The following CDKAL1 variants were observed in gnomAD, a reference collection of about 807,000 sequenced individuals.
CDKAL1 encodes the protein threonylcarbamoyladenosine tRNA methylthiotransferase.
In CDKAL1, 32 loss-of-function variants were observed where a neutral mutation model predicts 68.2. That is an observed-to-expected ratio of 0.47 (90% CI 0.35 to 0.63). CDKAL1 has a LOEUF of 0.63. CDKAL1 is among the 30% of genes least tolerant of loss of function. The pLI, the probability that CDKAL1 is intolerant of heterozygous loss-of-function variation, is 0.00. For missense variants in CDKAL1, 606 were observed against 696.7 expected (o/e 0.87, Z 1.47); for synonymous variants, 234 against 244.3 (o/e 0.96, Z 0.39).
At chr6:20,780,323 TA>T (rs1581566074) in intron 7 of CDKAL1, among the ~76,000 whole-genome samples, 1 of 152,188 alleles carries the variant, frequency 6.6e-6, no homozygotes, top group African/African-American at 2.4e-5. Flanking sequence ...TGATAGTGTG[TA>T]AAAATAAGTT....
At chr6:20,921,100 C>T (rs1762934334) in intron 9 of CDKAL1, among the ~76,000 whole-genome samples, 2 of 152,164 alleles carry the variant, frequency 1.3e-5, no homozygotes, top group Non-Finnish European at 2.9e-5. Context: ...GCCGTACACA[C>T]CCCAGCCAGC....
chr6:21,003,626 G>A (rs190804530), intron 11 of CDKAL1, among the ~76,000 whole-genome samples: 321 of 151,916 alleles, frequency 2.1e-3, no homozygotes, highest in African/African-American at 7.6e-3. Flanking sequence ...TCTTATGTTT[G>A]ACCTACCTTC....
intron 4 of CDKAL1, among the ~76,000 whole-genome samples, chr6:20,634,008 G>T (rs1032469380): frequency 1.3e-5 from 2 of 152,210 alleles, no homozygotes; most frequent in African/African-American, 4.8e-5. Context: ...TTAATCTAAA[G>T]ATCTCTTTTA....
At chr6:21,102,295 T>G (rs562667536) in intron 12 of CDKAL1, among the ~76,000 whole-genome samples, 357 of 152,312 alleles carry the variant, frequency 2.3e-3, no homozygotes, top group African/African-American at 8.1e-3. Context: ...CCAAATGCTG[T>G]CACATTGCTG....
intron 9 of CDKAL1, among the ~76,000 whole-genome samples, chr6:20,852,805 C>T (rs752191996): frequency 2.0e-5 from 3 of 152,158 alleles, no homozygotes; most frequent in Non-Finnish European, 4.4e-5. Flanking sequence ...GGCAGACCAC[C>T]GTGGTTGAAG....
intron 9 of CDKAL1, among the ~76,000 whole-genome samples, chr6:20,928,672 G>A (rs1215825752): frequency 6.8e-6 from 1 of 147,294 alleles, no homozygotes; most frequent in African/African-American, 2.5e-5. Context: ...TTGTCCATGA[G>A]GTTTACAATA....
chr6:20,906,106 A>C (rs1440578562), intron 9 of CDKAL1, among the ~76,000 whole-genome samples: 2 of 152,194 alleles, frequency 1.3e-5, no homozygotes, highest in African/African-American at 2.4e-5. Context: ...TTTCTACATG[A>C]TTTTAGAGAG....
intron 12 of CDKAL1, among the ~76,000 whole-genome samples, chr6:21,076,363 T>TCA (rs1268900498): frequency 6.6e-6 from 1 of 152,136 alleles, no homozygotes; most frequent in African/African-American, 2.4e-5. Context: ...ATTTTATTTT[T>TCA]CACACACACA....
chr6:21,008,504 G>T (rs547008498), intron 11 of CDKAL1, among the ~76,000 whole-genome samples: 3 of 152,178 alleles, frequency 2.0e-5, no homozygotes, highest in Non-Finnish European at 4.4e-5. Context: ...AAGTGTTATT[G>T]AGAGTTGCCT....
chr6:20,906,260 G>A (rs2150610790), intron 9 of CDKAL1, among the ~76,000 whole-genome samples: 1 of 150,090 alleles, frequency 6.7e-6, no homozygotes, highest in Admixed American at 6.6e-5. Flanking sequence ...TTATGTTTTC[G>A]GACACACAAC....
At chr6:21,195,799 C>G (rs536468752) in intron 13 of CDKAL1, among the ~76,000 whole-genome samples, 3 of 152,052 alleles carry the variant, frequency 2.0e-5, no homozygotes, top group Admixed American at 6.6e-5. Context: ...CATGAGCCAC[C>G]GGGCCCGGCC....
chr6:20,825,411 A>G (rs955530955), intron 8 of CDKAL1, among the ~76,000 whole-genome samples: 5 of 152,154 alleles, frequency 3.3e-5, no homozygotes, highest in African/African-American at 2.4e-5. Flanking sequence ...CAGATAAGCT[A>G]TAAATCAGTT....
At chr6:20,715,399 G>C (rs1772043008) in intron 5 of CDKAL1, among the ~76,000 whole-genome samples, 2 of 152,164 alleles carry the variant, frequency 1.3e-5, no homozygotes, top group Admixed American at 1.3e-4. Context: ...CCTTCTTAAA[G>C]ACTGAATAAT....
intron 13 of CDKAL1, among the ~76,000 whole-genome samples, chr6:21,151,568 GACTTTTATTGCCTGTAA>G (rs1776412728): frequency 6.6e-6 from 1 of 152,122 alleles, no homozygotes; most frequent in Non-Finnish European, 1.5e-5. Flanking sequence ...GCCAGAAAAT[GACTTTTATTGCCTGTAA>G]ACAACAAAAA....
intron 4 of CDKAL1, among the ~76,000 whole-genome samples, chr6:20,560,134 A>G (rs918891449): frequency 1.3e-5 from 2 of 152,224 alleles, no homozygotes; most frequent in Non-Finnish European, 2.9e-5. Flanking sequence ...ATTGCATTAC[A>G]TGATCACTGC....
chr6:21,147,198 T>TC (rs1370659199), intron 13 of CDKAL1, among the ~76,000 whole-genome samples: 1 of 152,054 alleles, frequency 6.6e-6, no homozygotes, highest in Admixed American at 6.5e-5. Flanking sequence ...GTCATTTTTT[T>TC]CCCCCAATGT....
At chr6:20,731,494 G>A (rs1361102610) in intron 5 of CDKAL1, among the ~76,000 whole-genome samples, 1 of 152,192 alleles carries the variant, frequency 6.6e-6, no homozygotes, top group Non-Finnish European at 1.5e-5. Flanking sequence ...GTTATGGGAA[G>A]AACTGGAAGG....
chr6:21,113,177 G>T (rs1232088058), intron 13 of CDKAL1, among the ~76,000 whole-genome samples: 2 of 152,124 alleles, frequency 1.3e-5, no homozygotes, highest in African/African-American at 4.8e-5. Flanking sequence ...AGTAGCCTTA[G>T]GGTAAAATAA....
chr6:21,222,455 A>G (rs1779573650), intron 15 of CDKAL1, among the ~76,000 whole-genome samples: 1 of 152,202 alleles, frequency 6.6e-6, no homozygotes, highest in Admixed American at 6.5e-5. Flanking sequence ...TCCAACTTCA[A>G]TTTGTTGATC....
Sources: gnomAD v4.1 joint callset for allele counts (sites outside exome capture counted in the v4.1 genomes callset) on GRCh38, gnomAD v4.1.1 for gene constraint, MANE v1.5 for transcripts, NCBI Gene and HGNC (gene_info 2026-07-23, HGNC 2026-07-21) for gene names.